Variants in NALF1 observed in about 807,000 individuals in gnomAD.
NALF1 encodes family with sequence similarity 155 member A.
Under a neutral mutation model 48.4 loss-of-function variants are expected in NALF1, and 3 were observed. The observed-to-expected ratio is 0.06, with a 90% CI of 0.03 to 0.16. The LOEUF (loss-of-function observed/expected upper bound fraction) is 0.16. Ranked by LOEUF, NALF1 falls within the 10% of genes least tolerant of loss-of-function variation. NALF1 has a pLI of 1.00. For missense variants in NALF1, 526 were observed against 571.5 expected, an observed-to-expected ratio of 0.92 and a Z score of 0.81; for synonymous variants, 262 against 245.7, an observed-to-expected ratio of 1.07 and a Z score of -0.62.
chr13:107,860,863 G>T (rs1880552164), intron 1 of NALF1, among the ~76,000 whole-genome samples: 1 of 152,156 alleles, frequency 6.6e-6, no homozygotes, highest in African/African-American at 2.4e-5. Context: ...TGAGAGCATT[G>T]CTTGATTTCC....
intron 1 of NALF1, among the ~76,000 whole-genome samples, chr13:107,377,911 C>T (rs1033600435): frequency 6.6e-6 from 1 of 152,142 alleles, no homozygotes; most frequent in South Asian, 2.1e-4. Context: ...ATGAAACCAG[C>T]CATTGTTCAC....
chr13:107,222,545 T>C (rs559258737), intron 1 of NALF1, among the ~76,000 whole-genome samples: 1 of 152,342 alleles, frequency 6.6e-6, no homozygotes, highest in South Asian at 2.1e-4. Context: ...GATTATCTTG[T>C]GCATGTCCTG....
At chr13:107,716,238 A>C (rs1246940066) in intron 1 of NALF1, among the ~76,000 whole-genome samples, 1 of 152,192 alleles carries the variant, frequency 6.6e-6, no homozygotes, top group Non-Finnish European at 1.5e-5. Context: ...AAGGTTCAAA[A>C]TTCAGTCTTT....
intron 1 of NALF1, among the ~76,000 whole-genome samples, chr13:107,442,534 G>A (rs1884577958): frequency 6.6e-6 from 1 of 152,122 alleles, no homozygotes; most frequent in Non-Finnish European, 1.5e-5. Flanking sequence ...TAATGAAGTT[G>A]ATGCCTGAGA....
chr13:107,294,228 A>G (rs1282449520), intron 1 of NALF1, among the ~76,000 whole-genome samples: 2 of 152,204 alleles, frequency 1.3e-5, no homozygotes, highest in Non-Finnish European at 2.9e-5. Flanking sequence ...GCAGATATCT[A>G]AAATGAGTTG....
At chr13:107,416,111 A>G (rs567292103) in intron 1 of NALF1, among the ~76,000 whole-genome samples, 1 of 150,584 alleles carries the variant, frequency 6.6e-6, no homozygotes, top group South Asian at 2.1e-4. Context: ...GGTTCACACC[A>G]TTCTCCTGCC....
intron 1 of NALF1, among the ~76,000 whole-genome samples, chr13:107,684,487 C>A (rs1187231060): frequency 4.6e-5 from 7 of 152,074 alleles, no homozygotes; most frequent in Non-Finnish European, 1.0e-4. Context: ...ATATGATTTG[C>A]TGCAGGAGGG....
intron 1 of NALF1, among the ~76,000 whole-genome samples, chr13:107,316,455 T>A (rs1271288224): frequency 2.6e-5 from 4 of 152,190 alleles, no homozygotes; most frequent in Non-Finnish European, 5.9e-5. Flanking sequence ...TCGTTCTAGA[T>A]CCCTGAGGAA....
chr13:107,646,545 A>G (rs867273566), intron 1 of NALF1, among the ~76,000 whole-genome samples: 5 of 152,102 alleles, frequency 3.3e-5, no homozygotes, highest in South Asian at 4.1e-4. Context: ...GACTCAACGC[A>G]TTGTTGATTA....
chr13:107,555,766 G>T (rs1877452040), intron 1 of NALF1, among the ~76,000 whole-genome samples: 1 of 151,908 alleles, frequency 6.6e-6, no homozygotes, highest in Non-Finnish European at 1.5e-5. Context: ...TGAAAAAAAT[G>T]TCACTATATT....
chr13:107,429,436 T>C (rs1276433528), intron 1 of NALF1, among the ~76,000 whole-genome samples: 1 of 151,508 alleles, frequency 6.6e-6, no homozygotes, highest in Non-Finnish European at 1.5e-5. Context: ...GCTAAAATAA[T>C]GGAGGGAGAA....
Position 107,509,075 on chromosome 13 carries a change from A to G in NALF1, c.916-298320T>C, listed in dbSNP as rs895604954. 3.9e-5 allele frequency among the ~76,000 whole-genome samples: 6 copies of G among 152,180 alleles called. No homozygotes were observed. In the East Asian group the frequency reaches 9.6e-4, roughly 24 times the overall value. ...TTGAGATGTATATATGCCTGTTTAA[A>G]AAATGATTTTCTATTTCAAACAGAA... On this transcript the variant is annotated intron_variant, in intron 1 of 2. Transcript: ENST00000375915.
At chr13:107,608,323 G>A (rs1879128499) in intron 1 of NALF1, among the ~76,000 whole-genome samples, 2 of 152,198 alleles carry the variant, frequency 1.3e-5, no homozygotes, top group African/African-American at 4.8e-5. Context: ...CCAGCCAACA[G>A]CCAGTGTCAA....
At chr13:107,688,578 A>G (rs1337118200) in intron 1 of NALF1, among the ~76,000 whole-genome samples, 1 of 152,228 alleles carries the variant, frequency 6.6e-6, no homozygotes. Flanking sequence ...AAAAGAAAAA[A>G]AGGGTGAGGA....
intron 1 of NALF1, among the ~76,000 whole-genome samples, chr13:107,321,614 T>G (rs926839711): frequency 4.6e-5 from 7 of 152,294 alleles, no homozygotes; most frequent in African/African-American, 1.7e-4. Context: ...TGCACTCAAC[T>G]TGAACTGAAC....
At chr13:107,356,595 C>T (rs1401923771) in intron 1 of NALF1, among the ~76,000 whole-genome samples, 1 of 150,720 alleles carries the variant, frequency 6.6e-6, no homozygotes, top group Non-Finnish European at 1.5e-5. Context: ...ATCCCCTATC[C>T]CTCACTTAGA....
chr13:107,843,150 A>T (rs1304653114), intron 1 of NALF1, among the ~76,000 whole-genome samples: 1 of 152,228 alleles, frequency 6.6e-6, no homozygotes, highest in African/African-American at 2.4e-5. Flanking sequence ...TATTTATCTA[A>T]CAAACACTTC....
chr13:107,495,100 CTAAGT>C (rs1335244877), intron 1 of NALF1, among the ~76,000 whole-genome samples: 3 of 152,144 alleles, frequency 2.0e-5, no homozygotes, highest in Middle Eastern at 3.2e-3. Flanking sequence ...CTCAATGAAA[CTAAGT>C]TAAGTCACAT....
intron 1 of NALF1, among the ~76,000 whole-genome samples, chr13:107,572,901 A>G (rs1375348361): frequency 6.6e-6 from 1 of 152,174 alleles, no homozygotes; most frequent in Non-Finnish European, 1.5e-5. Flanking sequence ...CATGCCAGTG[A>G]CTTCCTCATC....
Sources: gnomAD v4.1 joint callset for allele counts (sites outside exome capture counted in the v4.1 genomes callset) on GRCh38, gnomAD v4.1.1 for gene constraint, MANE v1.5 for transcripts, NCBI Gene and HGNC (gene_info 2026-07-23, HGNC 2026-07-21) for gene names.